SCNN1G: variants seen among roughly 807,000 people sequenced by gnomAD.
The protein encoded by SCNN1G is epithelial sodium channel subunit gamma.
In SCNN1G, 27 loss-of-function variants were observed where a neutral mutation model predicts 64.6. The ratio of observed to expected loss-of-function variants is 0.42; its 90% CI spans 0.31 to 0.58. The LOEUF is 0.58. Among genes scored for constraint, SCNN1G ranks in the 20% least tolerant of loss-of-function variants. SCNN1G has a pLI of 0.18. For missense variants in SCNN1G, 743 were observed against 823.4 expected (o/e 0.90, Z 1.19); for synonymous variants, 330 against 314.2 (o/e 1.05, Z -0.53).
chr16:23,205,360 G>A (rs1248821270), intron 6 of SCNN1G, among the ~76,000 whole-genome samples: 2 of 152,034 alleles, frequency 1.3e-5, no homozygotes, highest in Non-Finnish European at 2.9e-5. Context: ...ACAGGGTCAT[G>A]GGAGGGGCCC....
chr16:23,205,855 C>T (rs1005728705), intron 6 of SCNN1G, among the ~76,000 whole-genome samples: 1 of 152,152 alleles, frequency 6.6e-6, no homozygotes, highest in Non-Finnish European at 1.5e-5. Flanking sequence ...GCATGGAAAC[C>T]AAGGGAAAGA....
chr16:23,191,464 T>A (rs1309210149), intron 3 of SCNN1G, among the ~76,000 whole-genome samples: 5 of 152,186 alleles, frequency 3.3e-5, no homozygotes, highest in African/African-American at 1.2e-4. Flanking sequence ...AAGATTTCAC[T>A]CTGTCACTCA....
intron 3 of SCNN1G, among the ~76,000 whole-genome samples, chr16:23,191,530 A>T (rs1032126287): frequency 6.6e-6 from 1 of 152,022 alleles, no homozygotes; most frequent in African/African-American, 2.4e-5. Flanking sequence ...GGCTCAAACA[A>T]TTTTCCCACC....
intron 6 of SCNN1G, among the ~76,000 whole-genome samples, chr16:23,204,134 C>A (rs1457421602): frequency 6.6e-6 from 1 of 150,524 alleles, no homozygotes. Context: ...TAAAAATTAG[C>A]CAGCCGTGGT....
chr16:23,189,292 G>A (rs1959664573), intron 2 of SCNN1G, 79 bp from the exon 3 acceptor site: 4 of 1,462,438 alleles, frequency 2.7e-6, no homozygotes, highest in African/African-American at 2.8e-5. Context: ...ACGTGTTGAT[G>A]GAAAACAGCC....
chr16:23,190,493 A>G (rs1439469350), intron 3 of SCNN1G, among the ~76,000 whole-genome samples: 2 of 152,206 alleles, frequency 1.3e-5, no homozygotes, highest in Non-Finnish European at 2.9e-5. Flanking sequence ...AAGTCATTTC[A>G]GATATTGCTG....
At chr16:23,185,858 C>T (rs999300573) in intron 1 of SCNN1G, among the ~76,000 whole-genome samples, 1 of 152,160 alleles carries the variant, frequency 6.6e-6, no homozygotes, top group Admixed American at 6.5e-5. Context: ...TGATAAGGCA[C>T]GGGTACCCCT....
chr16:23,186,191 C>T, intron 1 of SCNN1G, 37 bp from the exon 2 acceptor site: 2 of 1,394,584 alleles, frequency 1.4e-6, no homozygotes, highest in Non-Finnish European at 2.0e-6. Flanking sequence ...CGGCTAGTGC[C>T]TGCCAGCTCA....
chr16:23,187,923 G>A (rs4967948), intron 2 of SCNN1G, among the ~76,000 whole-genome samples: 11,440 of 152,206 alleles, frequency 0.075, 495 homozygotes, highest in Non-Finnish European at 0.082. Context: ...GTCCAGAATC[G>A]TCAGTGAGTT....
rs1960049883 is a variant in SCNN1G, at chr16:23,209,800, G to A, written c.1128G>A (p.Gly376=). The change falls in exon 7 of 13, where the codon GGG becomes GGA. Residue 376 remains glycine, a synonymous_variant. Transcript: ENST00000300061. The part of the protein sequence containing the change: ...SEPYSQCTED[G]SDVPIRNIYN... ...CCTACAGTCAGTGCACGGAGGACGG[G>A]AGTGACGTGCCAATCAGGAACATCT... is the stretch of plus-strand genomic sequence containing the variant. 1 of 1,614,162 alleles carries A rather than the reference G, an allele frequency of 6.2e-7. No individual in the cohort carries two copies.
intron 6 of SCNN1G, among the ~76,000 whole-genome samples, chr16:23,202,448 T>G (rs950080348): frequency 6.6e-6 from 1 of 152,006 alleles, no homozygotes; most frequent in Admixed American, 6.5e-5. Context: ...TTCTAAATAA[T>G]GGATTTAGAA....
In SCNN1G at chr16:23,192,380, C is replaced by A; in HGVS notation, c.647C>A (p.Thr216Asn). The change falls in exon 4 of 13, where the codon ACC (threonine) becomes AAC (asparagine). Residue 216 changes from threonine (T) to asparagine (N), a missense_variant. Physicochemically the swap from Thr to Asn is moderately conservative, Grantham distance 65 (BLOSUM62 0). Transcript: ENST00000300061. Reference protein sequence around the residue: ...LCSNDTSDCATYTFSSGINAI... With the variant: ...LCSNDTSDCANYTFSSGINAI... ...TCAAATGACACCTCCGACTGTGCCA[C>A]CTACACCTTCAGCTCGGGAATCAAT... 6.2e-7 allele frequency: 1 copy of A among 1,614,148 alleles called. No individual in the cohort carries two copies. The highest frequency in any genetic ancestry group is 8.5e-7 in the Non-Finnish European group (1 of 1,180,018).
At chr16:23,200,847 T>A (rs1488189685) in intron 6 of SCNN1G, among the ~76,000 whole-genome samples, 1 of 152,152 alleles carries the variant, frequency 6.6e-6, no homozygotes, top group Non-Finnish European at 1.5e-5. Flanking sequence ...TGAACCGGAA[T>A]GGAAGTATGA....
chr16:23,187,949 A>C (rs1414471814), intron 2 of SCNN1G, among the ~76,000 whole-genome samples: 7 of 152,096 alleles, frequency 4.6e-5, no homozygotes, highest in African/African-American at 1.7e-4. Context: ...AAAGCTCAAA[A>C]TCAAGATCAA....
intron 1 of SCNN1G, among the ~76,000 whole-genome samples, chr16:23,184,234 C>A (rs2141925803): frequency 6.6e-6 from 1 of 152,254 alleles, no homozygotes; most frequent in East Asian, 1.9e-4. Context: ...CCATTGGGGT[C>A]AAGGTCGGTT....
chr16:23,204,288 C>CATATATAT (rs59288460), intron 6 of SCNN1G, among the ~76,000 whole-genome samples: 9 of 14,170 alleles, frequency 6.4e-4, no homozygotes, highest in African/African-American at 6.3e-4. Context: ...CAAATATATA[C>CATATATAT]ATATATATAT....
chr16:23,190,094 C>A (rs1319070245), intron 3 of SCNN1G, among the ~76,000 whole-genome samples: 1 of 151,034 alleles, frequency 6.6e-6, no homozygotes, highest in African/African-American at 2.4e-5. Flanking sequence ...AGTTGGGGGG[C>A]AAACGGAGGG....
rs1392208138 is a variant in SCNN1G at position 23,186,404 on chromosome 16, G to A, written c.133G>A (p.Val45Met). 1 of 1,614,124 alleles carries A rather than the reference G, an allele frequency of 6.2e-7. No individual in the cohort carries two copies. Among genetic ancestry groups the A allele is most frequent in the African/African-American group, 1.3e-5 (1 of 74,946 alleles). The change falls in exon 2 of 13, where the codon GTG (valine) becomes ATG (methionine). Residue 45 changes from valine (V) to methionine (M), a missense_variant. Val to Met is a conservative substitution (Grantham distance 21). Coordinates refer to ENST00000300061, the MANE Select transcript of SCNN1G (RefSeq NM_001039.4). Reference protein sequence around the residue: ...NTNTHGCRRIVVSRGRLRRLL... With the variant: ...NTNTHGCRRIMVSRGRLRRLL... The stretch of plus-strand genomic sequence containing the variant: ...CAACACCCATGGCTGTCGCCGCATC[G>A]TGGTGTCCCGCGGCCGTCTGCGCCG...
intron 7 of SCNN1G, among the ~76,000 whole-genome samples, chr16:23,210,796 C>CAAAG (rs1178469177): frequency 6.6e-6 from 1 of 151,852 alleles, no homozygotes; most frequent in Non-Finnish European, 1.5e-5. Context: ...CTTTGGGAGA[C>CAAAG]AAAGGTAGGA....
Sources: gnomAD v4.1 joint callset for allele counts (sites outside exome capture counted in the v4.1 genomes callset) on GRCh38, gnomAD v4.1.1 for gene constraint, MANE v1.5 for transcripts, NCBI Gene and HGNC (gene_info 2026-07-23, HGNC 2026-07-21) for gene names.